The following MBNL1 variants were observed in gnomAD, a reference collection of about 807,000 sequenced individuals.
The protein encoded by MBNL1 is muscleblind-like protein 1.
Under a neutral mutation model 42.2 loss-of-function variants are expected in MBNL1, and 8 were observed. The ratio of observed to expected loss-of-function variants is 0.19; its 90% CI spans 0.11 to 0.34. The LOEUF is 0.34. Ranked by LOEUF, MBNL1 falls within the 10% of genes least tolerant of loss-of-function variation. The pLI is 1.00. For synonymous variants in MBNL1, 169 were observed against 173.9 expected (o/e 0.97, Z 0.22); for missense variants, 309 against 495.3 (o/e 0.62, Z 3.57).
chr3:152,334,944 C>T (rs896905438), intron 2 of MBNL1, among the ~76,000 whole-genome samples: 4 of 152,106 alleles, frequency 2.6e-5, no homozygotes, highest in South Asian at 4.1e-4. Context: ...AAGGTGCAGA[C>T]GTACGGGCAA....
intron 2 of MBNL1, among the ~76,000 whole-genome samples, chr3:152,412,044 A>G (rs2098593416): frequency 6.6e-6 from 1 of 152,210 alleles, no homozygotes; most frequent in South Asian, 2.1e-4. Context: ...AAGGGCTCAG[A>G]GATGGATGAA....
In MBNL1 at chr3:152,355,137, G is replaced by GT. The variant is rs1396709584; in HGVS notation, c.174+54771dup. Among the ~76,000 whole-genome samples, 13 of 152,160 alleles carry GT rather than the reference G, an allele frequency of 8.5e-5. No homozygotes were observed. The South Asian group carries it at 2.3e-3, about 27-fold the overall frequency. On this transcript the variant is annotated intron_variant, in intron 2 of 9. Transcript: ENST00000324210. Reference sequence around the variant, plus strand: ...TAAAAGAAAGTATGACAAAAAAATCGTAAGTGAGATCCAGTCTCTGCCCAA... The same window carrying GT: ...TAAAAGAAAGTATGACAAAAAAATCGTTAAGTGAGATCCAGTCTCTGCCCAA...
At chr3:152,288,861 T>C (rs2054180693) in intron 1 of MBNL1, among the ~76,000 whole-genome samples, 1 of 152,214 alleles carries the variant, frequency 6.6e-6, no homozygotes, top group African/African-American at 2.4e-5. Flanking sequence ...ATTTTACAAA[T>C]GTTTCCATTG....
chr3:152,434,048 A>AT (rs1416247937), intron 4 of MBNL1, among the ~76,000 whole-genome samples: 1 of 152,114 alleles, frequency 6.6e-6, no homozygotes, highest in African/African-American at 2.4e-5. Context: ...GAGGCAATAT[A>AT]TTTTTTTAAC....
chr3:152,252,956 G>T (rs1259975515), intron 2 of MBNL1, among the ~76,000 whole-genome samples: 2 of 151,996 alleles, frequency 1.3e-5, no homozygotes, highest in East Asian at 1.9e-4. Context: ...ATTTGTGGTT[G>T]GTGTCGAAAG....
chr3:152,426,965 C>A (rs547795153), intron 3 of MBNL1, among the ~76,000 whole-genome samples: 49 of 152,338 alleles, frequency 3.2e-4, no homozygotes, highest in African/African-American at 1.2e-3. Context: ...GTCATTCATT[C>A]TTCCAGGAAC....
intron 2 of MBNL1, among the ~76,000 whole-genome samples, chr3:152,374,973 A>G (rs1036018737): frequency 3.9e-5 from 6 of 152,276 alleles, no homozygotes; most frequent in African/African-American, 1.4e-4. Context: ...TAAGACATGC[A>G]TATTATAAGA....
intron 2 of MBNL1, among the ~76,000 whole-genome samples, chr3:152,355,066 T>A (rs1560268203): frequency 1.3e-5 from 2 of 151,496 alleles, no homozygotes; most frequent in Middle Eastern, 6.9e-3. Flanking sequence ...GAGCTTGGCA[T>A]TTTTTTTTAT....
intron 6 of MBNL1, 130 bp downstream of exon 6, chr3:152,447,903 G>A (rs1713335831): frequency 4.4e-6 from 3 of 676,856 alleles, no homozygotes; most frequent in Admixed American, 3.1e-5. Flanking sequence ...GTCAATGATG[G>A]AAACTTATCT....
At chr3:152,336,487 A>G (rs1415576401) in intron 2 of MBNL1, among the ~76,000 whole-genome samples, 1 of 152,216 alleles carries the variant, frequency 6.6e-6, no homozygotes, top group Non-Finnish European at 1.5e-5. Flanking sequence ...TAAAAAATTA[A>G]GTTTAGTTTA....
chr3:152,425,464 C>A (rs532928703), intron 3 of MBNL1, among the ~76,000 whole-genome samples: 3 of 151,930 alleles, frequency 2.0e-5, no homozygotes, highest in African/African-American at 7.2e-5. Flanking sequence ...AAAAATTAGC[C>A]GGGCATGGTG....
chr3:152,455,553 T>C lies in MBNL1; in HGVS notation c.973T>C (p.Cys325Arg). 6.2e-7 allele frequency: 1 copy of C among 1,613,810 alleles called. No individual in the cohort carries two copies. ...TAFLPPGSIL[C>R]MTPATSVVPM... is the part of the protein sequence containing the mutation. ...TGCATGATGGGCAGGCTCAATATTG[T>C]GCATGACACCCGCTACAAGTGTTGG... Residue 325 changes from cysteine to arginine, a missense_variant, in exon 7 of 10, where the codon TGC (cysteine) becomes CGC (arginine). Cys to Arg is a radical substitution (Grantham distance 180, BLOSUM62 -3). Coordinates refer to ENST00000324210, the MANE Select transcript of MBNL1 (RefSeq NM_021038.5).
At chr3:152,391,980 T>C (rs1012586694) in intron 2 of MBNL1, among the ~76,000 whole-genome samples, 3 of 152,214 alleles carry the variant, frequency 2.0e-5, no homozygotes, top group Admixed American at 1.3e-4. Context: ...ATTGGCACTT[T>C]CTTTGTTTCT....
chr3:152,361,153 C>G (rs531260522), intron 2 of MBNL1, among the ~76,000 whole-genome samples: 3 of 151,968 alleles, frequency 2.0e-5, no homozygotes, highest in African/African-American at 7.3e-5. Context: ...ATCATTGATT[C>G]GTTCAGTCAC....
chr3:152,376,835 T>C (rs1362981402), intron 2 of MBNL1, among the ~76,000 whole-genome samples: 1 of 152,068 alleles, frequency 6.6e-6, no homozygotes, highest in African/African-American at 2.4e-5. Flanking sequence ...CACATACATA[T>C]ATATCTCTTC....
At chr3:152,383,471 A>G (rs928473283) in intron 2 of MBNL1, among the ~76,000 whole-genome samples, 3 of 152,090 alleles carry the variant, frequency 2.0e-5, no homozygotes, top group African/African-American at 7.2e-5. Flanking sequence ...CAACAAAGAT[A>G]TGAAAACCTT....
chr3:152,324,950 CCTTA>C (rs2078620142), intron 2 of MBNL1, among the ~76,000 whole-genome samples: 1 of 151,842 alleles, frequency 6.6e-6, no homozygotes, highest in Non-Finnish European at 1.5e-5. Flanking sequence ...TTTATTGATC[CCTTA>C]CTAAGTACTT....
At position 152,335,315 on chromosome 3, in the gene MBNL1, A is replaced by G. The variant is rs560779113; in HGVS notation, c.174+34948A>G. 1.9e-5 allele frequency: 23 copies of G among 1,225,988 alleles called. No homozygotes were observed. The East Asian group carries it at 7.3e-4, about 39-fold the overall frequency. The allele number at this position is 1,225,988 out of a possible 1,614,324, so 75.9% of individuals were successfully genotyped here. ...TCGCTCAAGGCCTGAGATGACATCC[A>G]TGGGAAATGGCTTTTGGTATTCTGT... On this transcript the variant is annotated intron_variant, in intron 2 of 9. Transcript: ENST00000324210.
chr3:152,449,114 G>A lies in MBNL1; in HGVS notation c.961+1341G>A, dbSNP rs368031057. On this transcript the variant is annotated intron_variant, in intron 6 of 9. Transcript: ENST00000324210. Reference sequence around the variant, plus strand: ...CAAGTTGCTGTGTCCCTAGATTTTCGCTGCCCCCAACAAACAATCCATCAG... The same window carrying A: ...CAAGTTGCTGTGTCCCTAGATTTTCACTGCCCCCAACAAACAATCCATCAG... 6.3e-4 allele frequency among the ~76,000 whole-genome samples: 96 copies of A among 152,130 alleles called. No individual in the cohort carries two copies. The South Asian group carries it at 0.019, about 30-fold the overall frequency.
Sources: allele counts gnomAD v4.1 joint callset (sites outside exome capture counted in the v4.1 genomes callset), GRCh38; gene constraint gnomAD v4.1.1; transcripts MANE v1.5; gene names NCBI Gene and HGNC (gene_info 2026-07-23, HGNC 2026-07-21).